LYRM7: variants seen among roughly 807,000 people sequenced by gnomAD.
LYRM7 encodes complex III assembly factor LYRM7.
Under a neutral mutation model 15.8 loss-of-function variants are expected in LYRM7, and 9 were observed. The ratio of observed to expected loss-of-function variants is 0.57; its 90% CI spans 0.34 to 0.99. LYRM7 has a LOEUF of 0.99. Among genes scored for constraint, LYRM7 ranks in the 50% least tolerant of loss-of-function variants. The probability of loss-of-function intolerance (pLI) is 0.02; values close to 1 mark genes in which losing one functional copy is unlikely to be tolerated. For missense variants in LYRM7, 115 were observed against 119.1 expected (o/e 0.97, Z 0.16); for synonymous variants, 39 against 39.4 (o/e 0.99, Z 0.04).
intron 4 of LYRM7, among the ~76,000 whole-genome samples, chr5:131,198,228 A>G (rs1035679162): frequency 5.9e-5 from 9 of 152,174 alleles, no homozygotes; most frequent in African/African-American, 2.2e-4. Flanking sequence ...CTGCAATATA[A>G]TGACCAAAAC....
rs757998193 is a variant in LYRM7, at chr5:131,204,263, A to G, written c.*4662A>G. 9 of 152,088 alleles carry G rather than the reference A, an allele frequency of 5.9e-5. No homozygotes were observed. Among genetic ancestry groups the G allele is most frequent in the Non-Finnish European group, 1.0e-4 (7 of 68,016 alleles). 9.4% of individuals were successfully genotyped at this position (152,088 alleles called of 1,614,324 possible). A position where few individuals can be genotyped will look rare whatever the true frequency, so the allele number is the denominator to read the frequency against. On this transcript the variant is annotated 3_prime_UTR_variant, in exon 5 of 5. Coordinates refer to ENST00000379380, the MANE Select transcript of LYRM7 (RefSeq NM_181705.4). ...TTTGAAAGGAAAATTGACATCATCA[A>G]AATTTTAAATATATTCAGTCTATTT...
intron 4 of LYRM7, among the ~76,000 whole-genome samples, chr5:131,193,817 C>T (rs761291668): frequency 6.6e-6 from 1 of 152,096 alleles, no homozygotes; most frequent in Non-Finnish European, 1.5e-5. Context: ...CAAGACCAGC[C>T]TGATCAACAT....
intron 4 of LYRM7, among the ~76,000 whole-genome samples, chr5:131,190,265 G>A (rs557811049): frequency 2.0e-5 from 3 of 152,036 alleles, no homozygotes; most frequent in Non-Finnish European, 2.9e-5. Flanking sequence ...GTGTGATCTC[G>A]TCTCACTGCA....
intron 1 of LYRM7, among the ~76,000 whole-genome samples, chr5:131,173,425 GT>G (rs1755552632): frequency 6.6e-6 from 1 of 152,244 alleles, no homozygotes; most frequent in Non-Finnish European, 1.5e-5. Context: ...AGTCTATTAA[GT>G]GTGCAGTAGC....
In LYRM7 at chr5:131,182,229, C is replaced by T; in HGVS notation, c.92C>T (p.Ala31Val). ...VFKNDARALE[A>V]ARIKINEEFK... ...ACTATATGTATTTTTCTCTTTGTAGCAGCCAGAATAAAGATAAATGAAGAA... is the reference window on the plus strand; with the variant it reads ...ACTATATGTATTTTTCTCTTTGTAGTAGCCAGAATAAAGATAAATGAAGAA... Residue 31 changes from alanine (A) to valine (V), a missense_variant and splice_region_variant, in exon 3 of 5, where the codon GCA becomes GTA. By Grantham distance (64) the Ala-to-Val change is moderately conservative. Coordinates refer to ENST00000379380, the MANE Select transcript of LYRM7 (RefSeq NM_181705.4). 7.0e-7 allele frequency: 1 copy of T among 1,424,288 alleles called. No individual in the cohort carries two copies. Among genetic ancestry groups the T allele is most frequent in the East Asian group, 2.5e-5 (1 of 39,570 alleles). The allele number at this position is 1,424,288 out of a possible 1,614,324, so 88.2% of individuals were successfully genotyped here. A position where few individuals can be genotyped will look rare whatever the true frequency, so the allele number is the denominator to read the frequency against.
chr5:131,199,405 A>T (rs111568307), intron 4 of LYRM7, 126 bp from the exon 5 acceptor site: 1 of 595,246 alleles, frequency 1.7e-6, no homozygotes, highest in East Asian at 3.0e-5. Context: ...GAAATAAAAT[A>T]TCCCTGGAAG....
chr5:131,171,655 C>T (rs530164444), intron 1 of LYRM7: 2 of 152,304 alleles, frequency 1.3e-5, no homozygotes, highest in South Asian at 2.1e-4. Context: ...CGTTCCTGCC[C>T]GGCGCACAAT....
intron 1 of LYRM7, among the ~76,000 whole-genome samples, chr5:131,173,174 G>A (rs1000919120): frequency 1.3e-5 from 2 of 152,080 alleles, no homozygotes; most frequent in African/African-American, 4.8e-5. Flanking sequence ...TACGATGCTT[G>A]CAAAGCCCGT....
chr5:131,187,040 G>T lies in LYRM7; in HGVS notation c.175G>T (p.Gly59Cys). The T allele has an allele frequency of 6.5e-7, 1 of 1,547,610 alleles. No individual in the cohort carries two copies. The highest frequency in any genetic ancestry group is 8.8e-7 in the Non-Finnish European group (1 of 1,135,862). The part of the protein sequence containing the change: ...SKKIEELMKI[G>C]SDVELLLRTS... ...GTTTTCTTAACAGCTAATGAAAATA[G>T]GTTCTGATGTTGAATTATTACTCAG... Residue 59 changes from glycine (G) to cysteine (C), a missense_variant, in exon 4 of 5, where the codon GGT becomes TGT. Physicochemically the swap from Gly to Cys is radical, Grantham distance 159. Coordinates refer to ENST00000379380, the MANE Select transcript of LYRM7 (RefSeq NM_181705.4).
chr5:131,201,335 A>AT lies in LYRM7; in HGVS notation c.*1734_*1735insT, dbSNP rs1310266024. The AT allele has an allele frequency of 1.3e-5, 2 of 151,550 alleles. No homozygotes were observed. The highest frequency in any genetic ancestry group is 2.9e-5 in the Non-Finnish European group (2 of 68,000). 9.4% of individuals were successfully genotyped at this position (151,550 alleles called of 1,614,324 possible). A position where few individuals can be genotyped will look rare whatever the true frequency, so the allele number is the denominator to read the frequency against. On this transcript the variant is annotated 3_prime_UTR_variant, in exon 5 of 5. Coordinates refer to ENST00000379380, the MANE Select transcript of LYRM7 (RefSeq NM_181705.4). Reference sequence around the variant, plus strand: ...TCTCAAAAAAAAAAAAGAAAAAAAAAGGAAAAAGGAAAAAAAAAAGATATA... The same window carrying AT: ...TCTCAAAAAAAAAAAAGAAAAAAAAATGGAAAAAGGAAAAAAAAAAGATATA...
At chr5:131,189,444 C>CAAAAAAAAAAA (rs71000976) in intron 4 of LYRM7, among the ~76,000 whole-genome samples, 1 of 46,180 alleles carries the variant, frequency 2.2e-5, no homozygotes, top group African/African-American at 7.8e-5. Flanking sequence ...CTCCGTCTCC[C>CAAAAAAAAAAA]AAAAAAAAAA....
At chr5:131,189,730 T>A (rs570892601) in intron 4 of LYRM7, among the ~76,000 whole-genome samples, 26 of 152,310 alleles carry the variant, frequency 1.7e-4, no homozygotes, top group African/African-American at 5.5e-4. Context: ...CTGCATCATA[T>A]ACCTTCATGT....
At chr5:131,172,898 TG>T (rs1310202560) in intron 1 of LYRM7, among the ~76,000 whole-genome samples, 1 of 152,188 alleles carries the variant, frequency 6.6e-6, no homozygotes, top group Non-Finnish European at 1.5e-5. Context: ...TATAAGTAAA[TG>T]AGGAAGAGAA....
chr5:131,177,952 A>ATTCTTACTT (rs1321414856), intron 1 of LYRM7, among the ~76,000 whole-genome samples: 1 of 151,764 alleles, frequency 6.6e-6, no homozygotes, highest in African/African-American at 2.4e-5. Context: ...TCTCAACTTA[A>ATTCTTACTT]TCCTTACTTT....
Position 131,193,185 on chromosome 5 carries a change from T to G in LYRM7, c.244+6076T>G, listed in dbSNP as rs544065178. 2.6e-5 allele frequency among the ~76,000 whole-genome samples: 4 copies of G among 152,366 alleles called. No individual in the cohort carries two copies. In the East Asian group the frequency reaches 7.7e-4, roughly 29 times the overall value. On this transcript the variant is annotated intron_variant, in intron 4 of 4. Transcript: ENST00000379380. The stretch of plus-strand genomic sequence containing the variant: ...CTGCCTTTTGGTTTATTTAGATTTG[T>G]CATTGTCTAAAACTATCTTATGGTT...
At chr5:131,187,483 GTT>G (rs67748558) in intron 4 of LYRM7, among the ~76,000 whole-genome samples, 1 of 142,770 alleles carries the variant, frequency 7.0e-6, no homozygotes, top group Non-Finnish European at 1.6e-5. Flanking sequence ...TTTTGTTTTT[GTT>G]TTTTTTTTGG....
intron 4 of LYRM7, among the ~76,000 whole-genome samples, chr5:131,190,730 A>C (rs1406114722): frequency 1.3e-5 from 2 of 152,082 alleles, no homozygotes; most frequent in African/African-American, 4.8e-5. Context: ...ACCTCAGGTG[A>C]TCCACCTGCC....
rs1323889508 is a variant in LYRM7 at position 131,205,163 on chromosome 5, C to T, written c.*5562C>T. The T allele has an allele frequency of 3.3e-5, 5 of 152,238 alleles. No homozygotes were observed. Among genetic ancestry groups the T allele is most frequent in the Middle Eastern group, 3.2e-3 (1 of 316 alleles). 9.4% of individuals were successfully genotyped at this position (152,238 alleles called of 1,614,324 possible). ...AGCTAAACCCCACCCTTCTCTTTCTCCTCTCTCTCCAGGATAATTACTGTT... is the reference window on the plus strand; with the variant it reads ...AGCTAAACCCCACCCTTCTCTTTCTTCTCTCTCTCCAGGATAATTACTGTT... On this transcript the variant is annotated 3_prime_UTR_variant, in exon 5 of 5. Coordinates refer to ENST00000379380, the MANE Select transcript of LYRM7 (RefSeq NM_181705.4).
At chr5:131,175,580 C>T (rs1755589715) in intron 1 of LYRM7, among the ~76,000 whole-genome samples, 1 of 151,370 alleles carries the variant, frequency 6.6e-6, no homozygotes. Context: ...TGTCACCCAG[C>T]CTGCAGTGCA....
Sources: allele counts gnomAD v4.1 joint callset (sites outside exome capture counted in the v4.1 genomes callset), GRCh38; gene constraint gnomAD v4.1.1; transcripts MANE v1.5; gene names NCBI Gene and HGNC (gene_info 2026-07-23, HGNC 2026-07-21).